Variants in PTPRN2 observed in about 807,000 individuals in gnomAD.
PTPRN2 encodes protein tyrosine phosphatase receptor type N2, also known as receptor-type tyrosine-protein phosphatase N2.
Under a neutral mutation model 118.8 loss-of-function variants are expected in PTPRN2, and 74 were observed. That is an observed-to-expected ratio of 0.62 (90% CI 0.52 to 0.76). The LOEUF is 0.76. Ranked by LOEUF, PTPRN2 falls within the 30% of genes least tolerant of loss-of-function variation. PTPRN2 has a pLI of 0.00. For missense variants in PTPRN2, 1,481 were observed against 1,394.4 expected, an observed-to-expected ratio of 1.06 and a Z score of -0.99; for synonymous variants, 641 against 608.0, an observed-to-expected ratio of 1.05 and a Z score of -0.80.
At chr7:157,905,259 C>T (rs1173856239) in intron 11 of PTPRN2, among the ~76,000 whole-genome samples, 2 of 152,178 alleles carry the variant, frequency 1.3e-5, no homozygotes, top group African/African-American at 4.8e-5. Context: ...TAAGTCTCTG[C>T]TGAACATGTT....
intron 12 of PTPRN2, among the ~76,000 whole-genome samples, chr7:157,752,379 G>C (rs1287349489): frequency 6.6e-6 from 1 of 152,232 alleles, no homozygotes; most frequent in Non-Finnish European, 1.5e-5. Flanking sequence ...GCAGGCTTCA[G>C]GATGGGTCTG....
At chr7:158,506,015 A>G (rs1159178933) in intron 1 of PTPRN2, among the ~76,000 whole-genome samples, 8 of 152,178 alleles carry the variant, frequency 5.3e-5, no homozygotes, top group Admixed American at 5.2e-4. Flanking sequence ...CCGAGGGGCC[A>G]CCTCAGGGCT....
intron 2 of PTPRN2, among the ~76,000 whole-genome samples, chr7:158,435,933 G>A (rs370478532): frequency 6.6e-6 from 1 of 152,140 alleles, no homozygotes; most frequent in East Asian, 1.9e-4. Context: ...GGCAGGGTGA[G>A]GTATTGCTAA....
chr7:157,811,332 T>TTTTATATATA (rs1424012856), intron 12 of PTPRN2, among the ~76,000 whole-genome samples: 28 of 131,290 alleles, frequency 2.1e-4, no homozygotes, highest in African/African-American at 7.6e-4. Context: ...ATCTACTCTA[T>TTTTATATATA]TATATATATA....
chr7:158,520,177 A>G (rs1030377152), intron 1 of PTPRN2, among the ~76,000 whole-genome samples: 30 of 152,194 alleles, frequency 2.0e-4, no homozygotes, highest in African/African-American at 6.8e-4. Flanking sequence ...TCCAAGAGGG[A>G]GCCCTGACAC....
intron 2 of PTPRN2, among the ~76,000 whole-genome samples, chr7:158,471,367 A>T: frequency 6.6e-6 from 1 of 151,274 alleles, no homozygotes; most frequent in East Asian, 2.0e-4. Context: ...AGTCTCTGGG[A>T]TTTCTTCTAA....
intron 2 of PTPRN2, among the ~76,000 whole-genome samples, chr7:158,378,892 G>C (rs530968863): frequency 6.6e-6 from 1 of 152,184 alleles, no homozygotes; most frequent in Admixed American, 6.5e-5. Context: ...TGGCTGTTAC[G>C]ATCAAGGGGA....
chr7:158,416,775 G>A (rs779672018), intron 2 of PTPRN2, among the ~76,000 whole-genome samples: 25 of 152,290 alleles, frequency 1.6e-4, no homozygotes, highest in African/African-American at 3.1e-4. Flanking sequence ...CAACTCATCC[G>A]CACACAGCAG....
intron 1 of PTPRN2, among the ~76,000 whole-genome samples, chr7:158,571,486 CAAAAACAAAA>C (rs1326542092): frequency 6.6e-4 from 56 of 84,526 alleles, no homozygotes; most frequent in African/African-American, 2.0e-3. Flanking sequence ...TCAAAAAAAA[CAAAAACAAAA>C]AAAAACAAAA....
At chr7:158,107,387 C>T (rs1234954790) in intron 10 of PTPRN2, among the ~76,000 whole-genome samples, 1 of 152,138 alleles carries the variant, frequency 6.6e-6, no homozygotes, top group Non-Finnish European at 1.5e-5. Flanking sequence ...TTTCCAGTAC[C>T]CTCAGTCACA....
chr7:158,284,729 C>T (rs1799657899), intron 3 of PTPRN2, among the ~76,000 whole-genome samples: 1 of 152,214 alleles, frequency 6.6e-6, no homozygotes, highest in African/African-American at 2.4e-5. Flanking sequence ...GAAGGCATTC[C>T]CACCCAGCTC....
chr7:158,152,173 C>A (rs373735896), intron 6 of PTPRN2, among the ~76,000 whole-genome samples: 865 of 83,294 alleles, frequency 0.01, no homozygotes, highest in South Asian at 0.014. Flanking sequence ...GACTCTGTCT[C>A]AAAAAAAAAA....
chr7:158,252,006 C>A (rs1288761183), intron 3 of PTPRN2, among the ~76,000 whole-genome samples: 1 of 152,156 alleles, frequency 6.6e-6, no homozygotes, highest in Non-Finnish European at 1.5e-5. Flanking sequence ...CAGGTCCCAG[C>A]AAAGCCCCTT....
At position 157,690,936 on chromosome 7, in the gene PTPRN2, C is replaced by T. The variant is rs1454437957; in HGVS notation, c.1789-7999G>A. On this transcript the variant is annotated intron_variant, in intron 12 of 22. Transcript: ENST00000389418. This position sits in a 1 kb window ranked among gnomAD's most constrained non-coding sequence, Gnocchi z 7.1. ...GCTCAGGGCGGGCTCCGGACGGTCC[C>T]GGTAGGGCCGCCGGCCGCGCGCGTA... 1.4e-5 allele frequency among the ~76,000 whole-genome samples: 2 copies of T among 145,840 alleles called. No homozygotes were observed. Among genetic ancestry groups the T allele is most frequent in the African/African-American group, 2.5e-5 (1 of 40,670 alleles).
intron 1 of PTPRN2, among the ~76,000 whole-genome samples, chr7:158,519,270 C>T (rs1823806278): frequency 1.3e-5 from 2 of 152,212 alleles, no homozygotes; most frequent in Non-Finnish European, 2.9e-5. Context: ...CACTGTCCTG[C>T]CAGCCAGCAC....
At chr7:158,210,128 C>G (rs1827477758) in intron 3 of PTPRN2, among the ~76,000 whole-genome samples, 1 of 135,904 alleles carries the variant, frequency 7.4e-6, no homozygotes, top group Non-Finnish European at 1.5e-5. Flanking sequence ...TCTAATGATG[C>G]ATCTTTTTTT....
At chr7:158,494,715 C>T (rs191617864) in intron 1 of PTPRN2, among the ~76,000 whole-genome samples, 23 of 152,278 alleles carry the variant, frequency 1.5e-4, no homozygotes, top group African/African-American at 5.5e-4. Flanking sequence ...CACACAGCAA[C>T]GGGAACGCCA....
intron 11 of PTPRN2, among the ~76,000 whole-genome samples, chr7:158,067,808 A>G (rs2128912412): frequency 6.6e-6 from 1 of 151,718 alleles, no homozygotes; most frequent in Middle Eastern, 3.4e-3. Context: ...GGGTCGGGTC[A>G]GGCTGGGCCG....
At chr7:157,828,449 C>G (rs541787729) in intron 12 of PTPRN2, among the ~76,000 whole-genome samples, 2 of 152,338 alleles carry the variant, frequency 1.3e-5, no homozygotes, top group South Asian at 4.2e-4. Context: ...GGGACCACTT[C>G]CCTGCCCCAG....
Sources: gnomAD v4.1 joint callset for allele counts (sites outside exome capture counted in the v4.1 genomes callset) on GRCh38, gnomAD v4.1.1 for gene constraint, Gnocchi (gnomAD v3.1) non-coding constraint, MANE v1.5 for transcripts, NCBI Gene and HGNC (gene_info 2026-07-23, HGNC 2026-07-21) for gene names.